PCDHA10: variants seen among roughly 807,000 people sequenced by gnomAD.
PCDHA10 encodes the protein protocadherin alpha 10, also known as protocadherin alpha-10.
In PCDHA10, 45 loss-of-function variants were observed where a neutral mutation model predicts 61.2. The observed-to-expected ratio is 0.74, with a 90% confidence interval of 0.58 to 0.94. The LOEUF is 0.94. Ranked by LOEUF, PCDHA10 falls within the 40% of genes least tolerant of loss-of-function variation. The pLI is 0.00. For missense variants in PCDHA10, 1,278 were observed against 1,236.2 expected, an observed-to-expected ratio of 1.03 and a Z score of -0.51; for synonymous variants, 602 against 548.8, an observed-to-expected ratio of 1.10 and a Z score of -1.35.
chr5:140,974,701 A>G (rs1299087234), intron 1 of PCDHA10, among the ~76,000 whole-genome samples: 2 of 152,012 alleles, frequency 1.3e-5, no homozygotes, highest in Non-Finnish European at 2.9e-5. Flanking sequence ...GGGTTTCACC[A>G]TGTTGTTCAA....
chr5:140,877,028 C>T (rs367864661), intron 1 of PCDHA10: 1 of 1,612,352 alleles, frequency 6.2e-7, no homozygotes, highest in Non-Finnish European at 8.5e-7. Flanking sequence ...AAGGTGTACG[C>T]GCTGCAGCCG....
chr5:140,968,323 C>G, intron 1 of PCDHA10: 1 of 1,614,114 alleles, frequency 6.2e-7, no homozygotes, highest in Non-Finnish European at 8.5e-7. Flanking sequence ...TGCCAGTCAC[C>G]TCCTATGTCT....
chr5:140,872,662 A>G (rs1554166315), intron 1 of PCDHA10, among the ~76,000 whole-genome samples: 2 of 152,132 alleles, frequency 1.3e-5, no homozygotes, highest in Admixed American at 1.3e-4. Context: ...TTTGTCAACT[A>G]TTGGATACTC....
At chr5:140,869,044 C>T (rs2050811433) in intron 1 of PCDHA10, 1 of 1,530,006 alleles carries the variant, frequency 6.5e-7, no homozygotes, top group Non-Finnish European at 8.8e-7. Flanking sequence ...TAACCTGAAA[C>T]TGAAGAATCT....
intron 1 of PCDHA10, among the ~76,000 whole-genome samples, chr5:140,953,778 A>T (rs782648195): frequency 2.0e-5 from 3 of 151,986 alleles, no homozygotes; most frequent in Non-Finnish European, 2.9e-5. Context: ...ATATTTATTT[A>T]TTTTTTTCTT....
chr5:140,898,004 T>C (rs2066460029), intron 1 of PCDHA10, among the ~76,000 whole-genome samples: 1 of 152,210 alleles, frequency 6.6e-6, no homozygotes, highest in East Asian at 1.9e-4. Context: ...GAAGTGTCTG[T>C]TCATATCCTT....
At chr5:140,883,504 C>G in intron 1 of PCDHA10, 1 of 1,614,172 alleles carries the variant, frequency 6.2e-7, no homozygotes, top group East Asian at 2.2e-5. Context: ...TGGACAGCGC[C>G]CTGGACCGCG....
intron 1 of PCDHA10, among the ~76,000 whole-genome samples, chr5:140,955,336 T>G (rs1294171389): frequency 1.3e-5 from 2 of 152,144 alleles, no homozygotes; most frequent in African/African-American, 2.4e-5. Context: ...GTTCCCATAA[T>G]CCCCACATGT....
chr5:140,884,019 C>G, intron 1 of PCDHA10: 1 of 1,613,216 alleles, frequency 6.2e-7, no homozygotes. Flanking sequence ...ATGCCGCGGT[C>G]GGTGGGTGCA....
In PCDHA10 at chr5:140,876,048, T is replaced by A. The variant is rs376201695; in HGVS notation, c.2388+17612T>A. 5 of 1,613,812 alleles carry A rather than the reference T, an allele frequency of 3.1e-6. No individual in the cohort carries two copies. In the African/African-American group the frequency reaches 5.3e-5, roughly 17 times the overall value. On this transcript the variant is annotated intron_variant, in intron 1 of 3. Transcript: ENST00000307360. ...CAAAAAAAGATAAAAGTATATTGCC[T>A]GAATTAGTTCTTCGGAAGTTATTGG...
At chr5:140,928,998 C>T (rs1448389331) in intron 1 of PCDHA10, 5 of 1,613,784 alleles carry the variant, frequency 3.1e-6, no homozygotes, top group Non-Finnish European at 4.2e-6. Flanking sequence ...TACTTTTCTT[C>T]GTGTGTACCA....
chr5:140,876,961 C>G (rs782051302), intron 1 of PCDHA10: 16 of 1,613,036 alleles, frequency 9.9e-6, no homozygotes, highest in South Asian at 8.8e-5. Context: ...GCTGGTGGAG[C>G]GGCGGGTGGG....
chr5:140,994,072 G>T (rs1587604928), intron 3 of PCDHA10, among the ~76,000 whole-genome samples: 1 of 152,242 alleles, frequency 6.6e-6, no homozygotes, highest in East Asian at 1.9e-4. Flanking sequence ...TAATGGTGAA[G>T]GGAGAAATGT....
intron 3 of PCDHA10, among the ~76,000 whole-genome samples, chr5:140,983,328 T>G (rs1214241110): frequency 6.6e-6 from 1 of 152,218 alleles, no homozygotes; most frequent in East Asian, 1.9e-4. Flanking sequence ...ATTCTTGCCC[T>G]ATCACTAAAG....
At chr5:140,958,367 T>C (rs1029042656) in intron 1 of PCDHA10, among the ~76,000 whole-genome samples, 2 of 152,166 alleles carry the variant, frequency 1.3e-5, no homozygotes, top group Admixed American at 6.5e-5. Context: ...TTATCAGGAA[T>C]GTTGCTATTT....
rs112377727 is a variant in PCDHA10, at chr5:140,875,811, G to T, written c.2388+17375G>T. The T allele has an allele frequency of 3.6e-4, 584 of 1,614,186 alleles. 8 individuals are homozygous for T. Among genetic ancestry groups the T allele is most frequent in the South Asian group, 3.4e-3 (314 of 91,084 alleles). On this transcript the variant is annotated intron_variant, in intron 1 of 3. Coordinates refer to ENST00000307360, the MANE Select transcript of PCDHA10 (RefSeq NM_018901.4). ...ACCTGGAGGTGATCGTGGACAGGCC[G>T]CTGCAGGTTTTCCATGTGGACGTGG...
intron 3 of PCDHA10, among the ~76,000 whole-genome samples, chr5:140,989,535 GTT>G (rs2097346543): frequency 6.6e-6 from 1 of 152,178 alleles, no homozygotes; most frequent in Non-Finnish European, 1.5e-5. Context: ...GAGGAAGATA[GTT>G]TGTAATTCCT....
At chr5:140,906,111 C>T (rs910809345) in intron 1 of PCDHA10, among the ~76,000 whole-genome samples, 1 of 152,100 alleles carries the variant, frequency 6.6e-6, no homozygotes, top group Admixed American at 6.5e-5. Flanking sequence ...TTTCCCAGTC[C>T]ACTGACACAA....
At chr5:140,876,278 C>A (rs1554168451) in intron 1 of PCDHA10, 1 of 1,614,030 alleles carries the variant, frequency 6.2e-7, no homozygotes, top group South Asian at 1.1e-5. Flanking sequence ...GCTTCCGATC[C>A]AGACGAAGGA....
Sources: gnomAD v4.1 joint callset for allele counts (sites outside exome capture counted in the v4.1 genomes callset) on GRCh38, gnomAD v4.1.1 for gene constraint, MANE v1.5 for transcripts, NCBI Gene and HGNC (gene_info 2026-07-23, HGNC 2026-07-21) for gene names.